The following PHACTR4 variants were observed in gnomAD, a reference collection of about 807,000 sequenced individuals.
PHACTR4 encodes phosphatase and actin regulator 4.
A neutral mutation model predicts 72.7 loss-of-function variants in PHACTR4; 51 were observed. The ratio of observed to expected loss-of-function variants is 0.70; its 90% CI spans 0.56 to 0.89. PHACTR4 has a LOEUF of 0.89. PHACTR4 is among the 40% of genes least tolerant of loss of function. The pLI, the probability that PHACTR4 is intolerant of heterozygous loss-of-function variation, is 0.00. For missense variants in PHACTR4, 731 were observed against 861.8 expected (o/e 0.85, Z 1.90); for synonymous variants, 255 against 302.5 (o/e 0.84, Z 1.63).
chr1:28,440,599 G>A (rs1189588398), intron 2 of PHACTR4, among the ~76,000 whole-genome samples: 4 of 151,564 alleles, frequency 2.6e-5, no homozygotes, highest in Non-Finnish European at 5.9e-5. Context: ...GAAATCAGGA[G>A]CTTAACTAAG....
chr1:28,390,236 C>CG (rs1264249501), intron 1 of PHACTR4, among the ~76,000 whole-genome samples: 5 of 152,052 alleles, frequency 3.3e-5, no homozygotes, highest in Admixed American at 1.3e-4. Flanking sequence ...ACTATAGCCT[C>CG]GAAGTCCCTC....
intron 2 of PHACTR4, among the ~76,000 whole-genome samples, chr1:28,446,552 A>G (rs938970488): frequency 6.6e-5 from 10 of 152,158 alleles, no homozygotes; most frequent in African/African-American, 2.4e-4. Flanking sequence ...AGGCCGAGGC[A>G]GGTGGATCAT....
At chr1:28,456,958 C>G (rs1217407521) in intron 2 of PHACTR4, among the ~76,000 whole-genome samples, 1 of 151,698 alleles carries the variant, frequency 6.6e-6, no homozygotes, top group Non-Finnish European at 1.5e-5. Context: ...TAATCAGATT[C>G]TAGTGTATTT....
In PHACTR4 at chr1:28,486,526, G is replaced by GTTTGTTT. The variant is rs139954167; in HGVS notation, c.1761-2620_1761-2614dup. ...TGTCAGTTATATCGTATTAAAGCTG[G>GTTTGTTT]TTTGTTTTTTGTTTTTTGTTTTTTG... On this transcript the variant is annotated intron_variant, in intron 9 of 13. Transcript: ENST00000373839. Among the ~76,000 whole-genome samples, 9 of 152,112 alleles carry GTTTGTTT rather than the reference G, an allele frequency of 5.9e-5. No individual in the cohort carries two copies. In the East Asian group the frequency reaches 7.8e-4, roughly 13 times the overall value.
At chr1:28,446,961 A>G (rs1183852506) in intron 2 of PHACTR4, among the ~76,000 whole-genome samples, 1 of 151,786 alleles carries the variant, frequency 6.6e-6, no homozygotes, top group African/African-American at 2.4e-5. Flanking sequence ...GAGCCAATTA[A>G]GCCTCTTTTC....
intron 9 of PHACTR4, among the ~76,000 whole-genome samples, chr1:28,488,369 C>T (rs1484729919): frequency 3.3e-5 from 5 of 152,070 alleles, no homozygotes; most frequent in African/African-American, 9.7e-5. Context: ...TGGTGGCAGG[C>T]GCCTGTAGTC....
At chr1:28,384,310 TAG>T (rs1557777178) in intron 1 of PHACTR4, among the ~76,000 whole-genome samples, 1 of 152,144 alleles carries the variant, frequency 6.6e-6, no homozygotes, top group Non-Finnish European at 1.5e-5. Flanking sequence ...TTTTGGCTGA[TAG>T]GCTATTTATT....
chr1:28,408,644 ATG>A (rs1239323300), intron 2 of PHACTR4, among the ~76,000 whole-genome samples: 2 of 150,990 alleles, frequency 1.3e-5, no homozygotes, highest in African/African-American at 2.4e-5. Context: ...GTGTCTATAT[ATG>A]TGTGTGTGTG....
Position 28,438,092 on chromosome 1 carries a change from AG to A in PHACTR4, c.17-20992del, listed in dbSNP as rs1206982497. 1.1e-5 allele frequency: 11 copies of A among 1,024,262 alleles called. No individual in the cohort carries two copies. The East Asian group carries it at 7.7e-4, about 72-fold the overall frequency. 63.4% of individuals were successfully genotyped at this position (1,024,262 alleles called of 1,614,324 possible). A position where few individuals can be genotyped will look rare whatever the true frequency, so the allele number is the denominator to read the frequency against. On this transcript the variant is annotated intron_variant, in intron 2 of 13. Coordinates refer to ENST00000373839, the MANE Select transcript of PHACTR4 (RefSeq NM_001048183.3). ...AGTCAGCAGCCAGAATGTGGTTGGC[AG>A]TCTCCTCCCCTTCCTGCACTTCAGC...
intron 2 of PHACTR4, among the ~76,000 whole-genome samples, chr1:28,419,783 T>C (rs1440210642): frequency 6.6e-6 from 1 of 152,228 alleles, no homozygotes; most frequent in South Asian, 2.1e-4. Context: ...TATCAACATC[T>C]GCATTTCTAC....
intron 1 of PHACTR4, among the ~76,000 whole-genome samples, chr1:28,394,402 TATC>T (rs1393941648): frequency 2.0e-5 from 3 of 152,010 alleles, no homozygotes; most frequent in African/African-American, 4.8e-5. Context: ...CCTCCTGACT[TATC>T]ATCCTGAATA....
At position 28,499,880 on chromosome 1, in the gene PHACTR4, C is replaced by T. The variant is rs551674138; in HGVS notation, c.*3331C>T. On this transcript the variant is annotated 3_prime_UTR_variant, in exon 14 of 14. Coordinates refer to ENST00000373839, the MANE Select transcript of PHACTR4 (RefSeq NM_001048183.3). ...TAAGGTAGCCACACAATAACTCTAA[C>T]TTGACTTCTAACCATTCTATCTTAT... 1 of 152,320 alleles carries T rather than the reference C, an allele frequency of 6.6e-6. No individual in the cohort carries two copies. The highest frequency in any genetic ancestry group is 2.1e-4 in the South Asian group (1 of 4,826). 9.4% of individuals were successfully genotyped at this position (152,320 alleles called of 1,614,324 possible). A position where few individuals can be genotyped will look rare whatever the true frequency, so the allele number is the denominator to read the frequency against.
intron 4 of PHACTR4, 95 bp from the exon 5 acceptor site, chr1:28,465,589 TA>T: frequency 7.6e-7 from 1 of 1,312,648 alleles, no homozygotes; most frequent in Non-Finnish European, 1.0e-6. Flanking sequence ...TGTCTCAATT[TA>T]AAAAAGAGAG....
chr1:28,446,899 C>T (rs904736548), intron 2 of PHACTR4, among the ~76,000 whole-genome samples: 3 of 152,124 alleles, frequency 2.0e-5, no homozygotes, highest in African/African-American at 4.8e-5. Flanking sequence ...CAGCTTCCCC[C>T]GAAGCCAGGC....
chr1:28,442,144 A>AT (rs1318777909), intron 2 of PHACTR4, among the ~76,000 whole-genome samples: 4 of 152,120 alleles, frequency 2.6e-5, no homozygotes, highest in Non-Finnish European at 4.4e-5. Flanking sequence ...AGACCGAAGA[A>AT]TTTTTTCAAT....
intron 2 of PHACTR4, among the ~76,000 whole-genome samples, chr1:28,414,306 TC>T (rs1289345499): frequency 6.6e-5 from 10 of 151,902 alleles, no homozygotes; most frequent in African/African-American, 2.4e-4. Flanking sequence ...CCTCAGGTGA[TC>T]CGCCTGCCTC....
intron 2 of PHACTR4, among the ~76,000 whole-genome samples, chr1:28,456,274 A>C (rs372497991): frequency 6.6e-5 from 10 of 152,300 alleles, no homozygotes; most frequent in East Asian, 5.8e-4. Flanking sequence ...GAGCAGGAAC[A>C]AGAGAGCAAA....
At chr1:28,408,644 A>T (rs6680126) in intron 2 of PHACTR4, among the ~76,000 whole-genome samples, 1 of 151,006 alleles carries the variant, frequency 6.6e-6, no homozygotes, top group Non-Finnish European at 1.5e-5. Context: ...GTGTCTATAT[A>T]TGTGTGTGTG....
At position 28,466,367 on chromosome 1, in the gene PHACTR4, C is replaced by A; in HGVS notation, c.437-15C>A. 1.9e-6 allele frequency: 3 copies of A among 1,599,568 alleles called. No individual in the cohort carries two copies. Among genetic ancestry groups the A allele is most frequent in the Non-Finnish European group, 2.6e-6 (3 of 1,169,244 alleles). The stretch of plus-strand genomic sequence containing the variant: ...CTCTCTCTTCCCTTTTTATACCATA[C>A]ATGTTATTACACAGGCTCAACTGGA... On this transcript the variant is annotated splice_polypyrimidine_tract_variant and intron_variant, in intron 5 of 13. Transcript: ENST00000373839.
Sources: allele counts gnomAD v4.1 joint callset (sites outside exome capture counted in the v4.1 genomes callset), GRCh38; gene constraint gnomAD v4.1.1; transcripts MANE v1.5; gene names NCBI Gene and HGNC (gene_info 2026-07-23, HGNC 2026-07-21).